Variants in RAD51B observed in about 807,000 individuals in gnomAD.
RAD51B encodes DNA repair protein RAD51 homolog 2.
Under a neutral mutation model 42.2 loss-of-function variants are expected in RAD51B, and 38 were observed. The ratio of observed to expected loss-of-function variants is 0.90; its 90% confidence interval spans 0.70 to 1.18. RAD51B has a LOEUF of 1.18. RAD51B is among the 50% of genes most tolerant of loss of function. The probability of loss-of-function intolerance (pLI) is 0.00; values close to 1 mark genes in which losing one functional copy is unlikely to be tolerated. For synonymous variants in RAD51B, 154 were observed against 145.2 expected (o/e 1.06, Z -0.43); for missense variants, 373 against 400.7 (o/e 0.93, Z 0.59).
At chr14:67,836,635 T>C (rs139721695) in intron 4 of RAD51B, among the ~76,000 whole-genome samples, 3,793 of 152,190 alleles carry the variant, frequency 0.025, 103 homozygotes, top group African/African-American at 0.067. Flanking sequence ...GGCTAATTTT[T>C]TGTATTTTTA....
chr14:68,469,431 C>T (rs145455904), intron 10 of RAD51B, among the ~76,000 whole-genome samples: 212 of 152,344 alleles, frequency 1.4e-3, no homozygotes, highest in African/African-American at 4.9e-3. Flanking sequence ...AGCTCCACAG[C>T]GGGGACTCTC....
chr14:67,864,961 CTTTTTTTTTTTTTTTTTTTTTTTTTTT>C lies in RAD51B; in HGVS notation c.316-29_316-3del, dbSNP rs745505141. The stretch of plus-strand genomic sequence containing the variant: ...TGGCTTGTGATGTTTATCTAAAAAA[CTTTTTTTTTTTTTTTTTTTTTTTTTTT>C]TTTTTTTTTTTTAGATTACAGGTCC... On this transcript the variant is annotated splice_polypyrimidine_tract_variant and intron_variant, in intron 4 of 10. Coordinates refer to ENST00000471583, the MANE Select transcript of RAD51B (RefSeq NM_133510.4). The C allele has an allele frequency of 1.5e-4, 95 of 644,992 alleles. 1 individual carries two copies. The highest frequency in any genetic ancestry group is 3.4e-4 in the Admixed American group (3 of 8,816). The allele number at this position is 644,992 out of a possible 1,614,324, so 40.0% of individuals were successfully genotyped here. A position where few individuals can be genotyped will look rare whatever the true frequency, so the allele number is the denominator to read the frequency against.
chr14:68,170,230 T>C (rs2078843890), intron 7 of RAD51B, among the ~76,000 whole-genome samples: 2 of 152,206 alleles, frequency 1.3e-5, no homozygotes, highest in African/African-American at 2.4e-5. Flanking sequence ...CCAAGCATTC[T>C]CTCTAGAGTT....
At chr14:68,206,587 T>G (rs1457448507) in intron 7 of RAD51B, among the ~76,000 whole-genome samples, 2 of 152,156 alleles carry the variant, frequency 1.3e-5, no homozygotes, top group African/African-American at 4.8e-5. Flanking sequence ...CACTGTTCTT[T>G]TCAGTGGTTG....
chr14:67,882,426 A>G (rs1458558927), intron 5 of RAD51B, among the ~76,000 whole-genome samples: 1 of 152,104 alleles, frequency 6.6e-6, no homozygotes, highest in Non-Finnish European at 1.5e-5. Flanking sequence ...TCTCTTCTAT[A>G]TCTGTACTCA....
rs575653393 is a variant in RAD51B at position 68,342,184 on chromosome 14, T to A, written c.853+50204T>A. 5.9e-5 allele frequency among the ~76,000 whole-genome samples: 9 copies of A among 152,298 alleles called. No individual in the cohort carries two copies. The East Asian group carries it at 1.2e-3, about 20-fold the overall frequency. ...TGAAGACAGAACTTTGTCTTTTATC[T>A]CTTTATTTCCAGTGCCTAGTCCAAT... On this transcript the variant is annotated intron_variant, in intron 8 of 10. Transcript: ENST00000471583.
intron 7 of RAD51B, among the ~76,000 whole-genome samples, chr14:68,247,132 A>G (rs2080515719): frequency 6.6e-6 from 1 of 152,178 alleles, no homozygotes; most frequent in African/African-American, 2.4e-5. Flanking sequence ...TAAGTACTGT[A>G]TATTGCCCTG....
intron 7 of RAD51B, among the ~76,000 whole-genome samples, chr14:68,289,735 G>T (rs547162795): frequency 6.6e-6 from 1 of 151,508 alleles, no homozygotes; most frequent in African/African-American, 2.4e-5. Context: ...AAAGAGCAAT[G>T]AACACAGTTC....
At chr14:68,310,924 C>T (rs1359129094) in intron 8 of RAD51B, among the ~76,000 whole-genome samples, 1 of 152,146 alleles carries the variant, frequency 6.6e-6, no homozygotes, top group Non-Finnish European at 1.5e-5. Context: ...CATCCATCAC[C>T]TCTTAACTCC....
intron 8 of RAD51B, among the ~76,000 whole-genome samples, chr14:68,378,118 A>G (rs984361746): frequency 1.3e-5 from 2 of 152,172 alleles, no homozygotes; most frequent in Admixed American, 6.5e-5. Flanking sequence ...AACTCTTTTC[A>G]TCTACTCAGA....
intron 7 of RAD51B, among the ~76,000 whole-genome samples, chr14:68,226,763 G>A (rs983520729): frequency 6.6e-6 from 1 of 152,232 alleles, no homozygotes; most frequent in Non-Finnish European, 1.5e-5. Flanking sequence ...GGGCCAGAGA[G>A]ACTAAGTGAC....
In RAD51B at chr14:67,837,621, A is replaced by C. The variant is rs114292481; in HGVS notation, c.315+2425A>C. 8.1e-3 allele frequency among the ~76,000 whole-genome samples: 1,086 copies of C among 134,262 alleles called. 15 individuals are homozygous for C. Among genetic ancestry groups the C allele is most frequent in the African/African-American group, 0.031 (1,040 of 33,660 alleles). The allele number at this position is 134,262 out of a possible 152,430, so 88.1% of individuals were successfully genotyped here. ...TCAACTGAGTACAGGGAGTATATCA[A>C]ATTATCCTCAAACAGAGTTTTTTTT... On this transcript the variant is annotated intron_variant, in intron 4 of 10. Transcript: ENST00000471583.
At chr14:68,675,405 G>A (rs745580442) in intron 11 of RAD51B, among the ~76,000 whole-genome samples, 2 of 152,098 alleles carry the variant, frequency 1.3e-5, no homozygotes, top group South Asian at 2.1e-4. Context: ...GGCATGAGAC[G>A]GCCCTCCTAT....
intron 7 of RAD51B, among the ~76,000 whole-genome samples, chr14:68,090,691 ATTTAT>A (rs1249570713): frequency 3.3e-5 from 5 of 149,748 alleles, no homozygotes; most frequent in Admixed American, 6.7e-5. Flanking sequence ...TATTTTATTT[ATTTAT>A]TTATTATTAT....
At chr14:68,584,533 A>AATGT (rs1232176636) in intron 10 of RAD51B, among the ~76,000 whole-genome samples, 1 of 151,884 alleles carries the variant, frequency 6.6e-6, no homozygotes, top group Non-Finnish European at 1.5e-5. Context: ...CTTACCTCCC[A>AATGT]ATGTTTCCTC....
intron 7 of RAD51B, among the ~76,000 whole-genome samples, chr14:68,023,121 T>C (rs1171609674): frequency 1.3e-5 from 2 of 152,232 alleles, no homozygotes; most frequent in African/African-American, 4.8e-5. Context: ...TGAACATACA[T>C]GTGCATTTGT....
chr14:68,569,449 A>G (rs1283691909), intron 10 of RAD51B, among the ~76,000 whole-genome samples: 1 of 152,184 alleles, frequency 6.6e-6, no homozygotes, highest in African/African-American at 2.4e-5. Flanking sequence ...CTCCCCTTGG[A>G]TGCACTCAAA....
intron 7 of RAD51B, among the ~76,000 whole-genome samples, chr14:67,958,157 A>G (rs767331657): frequency 2.0e-5 from 3 of 152,292 alleles, no homozygotes; most frequent in Middle Eastern, 3.4e-3. Flanking sequence ...TCTAGCATGG[A>G]GGCTTCATGG....
chr14:68,232,826 T>G (rs1268857899), intron 7 of RAD51B, among the ~76,000 whole-genome samples: 1 of 152,198 alleles, frequency 6.6e-6, no homozygotes, highest in Non-Finnish European at 1.5e-5. Flanking sequence ...GATGGCTCCC[T>G]TCCAGCTTTC....
Sources: allele counts gnomAD v4.1 joint callset (sites outside exome capture counted in the v4.1 genomes callset), GRCh38; gene constraint gnomAD v4.1.1; transcripts MANE v1.5; gene names NCBI Gene and HGNC (gene_info 2026-07-23, HGNC 2026-07-21).